The following DICER1 variants were observed in gnomAD, a reference collection of about 807,000 sequenced individuals.
The protein encoded by DICER1 is endoribonuclease Dicer.
In DICER1, 43 loss-of-function variants were observed where a neutral mutation model predicts 194.1. The observed-to-expected ratio is 0.22, with a 90% CI of 0.17 to 0.29. DICER1 has a LOEUF of 0.29. DICER1 is among the 10% of genes least tolerant of loss of function. DICER1 has a pLI of 1.00. For missense variants in DICER1, 1,608 were observed against 2,317.0 expected (o/e 0.69, Z 6.28); for synonymous variants, 832 against 820.5 (o/e 1.01, Z -0.24).
At chr14:95,109,600 A>G (rs531499716) in intron 14 of DICER1, among the ~76,000 whole-genome samples, 1 of 152,370 alleles carries the variant, frequency 6.6e-6, no homozygotes, top group African/African-American at 2.4e-5. Flanking sequence ...TCACGTGAAA[A>G]TTTGGTATGA....
chr14:95,156,502 C>T (rs1895877404), intron 1 of DICER1, among the ~76,000 whole-genome samples: 1 of 152,230 alleles, frequency 6.6e-6, no homozygotes, highest in South Asian at 2.1e-4. Context: ...TGGCTCTGAC[C>T]TCCAGGCAGA....
chr14:95,147,782 T>A (rs577742701), intron 1 of DICER1, among the ~76,000 whole-genome samples: 2 of 152,330 alleles, frequency 1.3e-5, no homozygotes, highest in South Asian at 2.1e-4. Context: ...CAGGTTATTT[T>A]TTGCCCGTGC....
intron 21 of DICER1, among the ~76,000 whole-genome samples, chr14:95,102,289 C>T (rs1890951944): frequency 6.6e-6 from 1 of 152,178 alleles, no homozygotes; most frequent in Non-Finnish European, 1.5e-5. Context: ...CTTTTCAACT[C>T]ACACTACATT....
rs1211879881 is a variant in DICER1 at position 95,096,316 on chromosome 14, C to T, written c.4604G>A (p.Cys1535Tyr). 3.7e-6 allele frequency: 6 copies of T among 1,614,220 alleles called. No individual in the cohort carries two copies. Among genetic ancestry groups the T allele is most frequent in the South Asian group, 1.1e-5 (1 of 91,084 alleles). ...VGFWNPSEEN[C>Y]GVDTGKQSIS... is the part of the protein sequence containing the mutation. ...GGACTGCTTTCCCGTGTCAACACCA[C>T]AGTTTTCTTCTGATGGATTCCAGAA... The change falls in exon 23 of 27, where the codon TGT becomes TAT. Residue 1535 changes from cysteine (C) to tyrosine (Y), a missense_variant. By Grantham distance (194) the Cys-to-Tyr change is radical. Around this residue, in one of 10 missense-constraint regions of DICER1, gnomAD observed 164 missense variants for 183.7 expected, o/e 0.89. Coordinates refer to ENST00000343455, the MANE Select transcript of DICER1 (RefSeq NM_177438.3).
At chr14:95,122,842 G>T (rs753102183) in intron 8 of DICER1, among the ~76,000 whole-genome samples, 1 of 152,162 alleles carries the variant, frequency 6.6e-6, no homozygotes, top group Non-Finnish European at 1.5e-5. Context: ...ACTGCCAGAT[G>T]ATGACCCTCG....
intron 1 of DICER1, among the ~76,000 whole-genome samples, chr14:95,148,967 CTCTG>C (rs1810009762): frequency 6.6e-6 from 1 of 151,964 alleles, no homozygotes. Flanking sequence ...CAGGGTCTCA[CTCTG>C]TCTATTTACA....
In DICER1 at chr14:95,094,253, T is replaced by A; in HGVS notation, c.5096-97A>T. 2.7e-6 allele frequency: 4 copies of A among 1,458,192 alleles called. No individual in the cohort carries two copies. The South Asian group carries it at 4.6e-5, about 17-fold the overall frequency. 90.3% of individuals were successfully genotyped at this position (1,458,192 alleles called of 1,614,324 possible). A position where few individuals can be genotyped will look rare whatever the true frequency, so the allele number is the denominator to read the frequency against. On this transcript the variant is annotated intron_variant, in intron 23 of 26. Coordinates refer to ENST00000343455, the MANE Select transcript of DICER1 (RefSeq NM_177438.3). ...CCCAAATCCGAAGAAGATTTGTATT[T>A]ACAATCATTTTCATACATATATTCT...
At chr14:95,113,883 T>C (rs1892204637) in intron 11 of DICER1, among the ~76,000 whole-genome samples, 1 of 152,320 alleles carries the variant, frequency 6.6e-6, no homozygotes. Context: ...GTTGCAGCCC[T>C]ACAGAGCAGG....
At chr14:95,127,923 A>G (rs539835419) in intron 6 of DICER1, among the ~76,000 whole-genome samples, 1 of 152,372 alleles carries the variant, frequency 6.6e-6, no homozygotes, top group South Asian at 2.1e-4. Flanking sequence ...ATCACTTCGC[A>G]GAAGCGGAAA....
At chr14:95,095,755 A>G in intron 23 of DICER1, 70 bp downstream of exon 23, 2 of 1,537,784 alleles carry the variant, frequency 1.3e-6, no homozygotes, top group Non-Finnish European at 1.8e-6. Context: ...CACTTTTACA[A>G]GGCCAACACG....
chr14:95,112,380 A>G (rs565205231), intron 12 of DICER1, 133 bp from the exon 13 acceptor site: 4 of 751,596 alleles, frequency 5.3e-6, no homozygotes, highest in Non-Finnish European at 8.9e-6. Flanking sequence ...TTATTTTGAA[A>G]AATTCCAGCA....
At chr14:95,156,862 C>T (rs1304406116) in intron 1 of DICER1, among the ~76,000 whole-genome samples, 1 of 152,164 alleles carries the variant, frequency 6.6e-6, no homozygotes, top group Non-Finnish European at 1.5e-5. Context: ...GCTGCTCCCG[C>T]GCCACCTTAG....
At chr14:95,096,959 T>A (rs1303031437) in intron 22 of DICER1, among the ~76,000 whole-genome samples, 2 of 151,722 alleles carry the variant, frequency 1.3e-5, no homozygotes, top group Non-Finnish European at 2.9e-5. Context: ...TTATCCAGTA[T>A]GAAGCTTTAA....
rs1464512551 is a variant in DICER1, at chr14:95,108,448, TACA to T, written c.2309_2311del (p.Leu770_Tyr771delinsHis). On this transcript the variant is annotated inframe_deletion, in exon 15 of 27. Coordinates refer to ENST00000343455, the MANE Select transcript of DICER1 (RefSeq NM_177438.3). ...TGTAGTTAAAACCATTCCTATCACATACAGGTAACAGGGCTGATCAGGTCTGGG... is the reference window on the plus strand; with the variant it reads ...TGTAGTTAAAACCATTCCTATCACATGGTAACAGGGCTGATCAGGTCTGGG... The T allele has an allele frequency of 6.2e-7, 1 of 1,614,094 alleles. No individual in the cohort carries two copies. The highest frequency in any genetic ancestry group is 1.1e-5 in the South Asian group (1 of 91,084).
At chr14:95,125,290 G>A (rs1893309488) in intron 7 of DICER1, among the ~76,000 whole-genome samples, 10 of 151,644 alleles carry the variant, frequency 6.6e-5, no homozygotes, top group Admixed American at 6.6e-4. Context: ...GCTGCACTGG[G>A]GCAGCCTCCA....
chr14:95,126,809 G>C, intron 6 of DICER1, 61 bp from the exon 7 acceptor site: 14 of 356,764 alleles, frequency 3.9e-5, no homozygotes, highest in Admixed American at 1.2e-4. Flanking sequence ...TTTAAAAAAA[G>C]TTTTTCAAAA....
intron 21 of DICER1, 65 bp from the exon 22 acceptor site, chr14:95,100,000 AT>A: frequency 6.5e-7 from 1 of 1,549,362 alleles, no homozygotes; most frequent in Non-Finnish European, 8.9e-7. Context: ...TTCAAGGCAT[AT>A]TAACATATCC....
chr14:95,097,798 T>C (rs982169832), intron 22 of DICER1, among the ~76,000 whole-genome samples: 6 of 152,202 alleles, frequency 3.9e-5, no homozygotes, highest in Admixed American at 2.0e-4. Context: ...TGAAAAGAAA[T>C]AGCAGTAAGC....
In DICER1 at chr14:95,156,180, TCCTAA is replaced by T. The variant is rs562916910; in HGVS notation, c.-46+1045_-46+1049del. 7.5e-3 allele frequency among the ~76,000 whole-genome samples: 1,138 copies of T among 152,328 alleles called. 13 individuals carry two copies. The highest frequency in any genetic ancestry group is 0.027 in the African/African-American group (1,102 of 41,570). On this transcript the variant is annotated intron_variant, in intron 1 of 26. Coordinates refer to ENST00000343455, the MANE Select transcript of DICER1 (RefSeq NM_177438.3). ...AACAATATTTTCCGAGTTGCTTAAA[TCCTAA>T]CCTGAGTCCTTTTCCACTGTTTGAA...
Sources: gnomAD v4.1 joint callset for allele counts (sites outside exome capture counted in the v4.1 genomes callset) on GRCh38, gnomAD v4.1.1 for gene constraint, gnomAD v4.1.1 regional missense constraint, MANE v1.5 for transcripts, NCBI Gene and HGNC (gene_info 2026-07-23, HGNC 2026-07-21) for gene names.